The following POLG2 variants were observed in gnomAD, a reference collection of about 807,000 sequenced individuals.
POLG2 encodes the protein DNA polymerase subunit gamma-2.
POLG2 carries 50 observed loss-of-function variants against 56.5 expected under a neutral mutation model. The observed-to-expected ratio is 0.88, with a 90% CI of 0.71 to 1.12. The LOEUF (loss-of-function observed/expected upper bound fraction) is 1.12, where lower values mean the gene tolerates loss of function less well. POLG2 is among the 50% of genes most tolerant of loss of function. The probability of loss-of-function intolerance (pLI) is 0.00; values close to 1 mark genes in which losing one functional copy is unlikely to be tolerated. For missense variants in POLG2, 584 were observed against 583.3 expected (o/e 1.00, Z -0.01); for synonymous variants, 226 against 222.6 (o/e 1.02, Z -0.14).
chr17:64,482,244 C>T (rs1203339710), intron 6 of POLG2, among the ~76,000 whole-genome samples: 2 of 151,444 alleles, frequency 1.3e-5, no homozygotes, highest in Non-Finnish European at 2.9e-5. Flanking sequence ...GCTGGAATTA[C>T]AGGCACATAC....
chr17:64,485,369 T>C (rs2037932877), intron 5 of POLG2: 2 of 265,866 alleles, frequency 7.5e-6, no homozygotes, highest in South Asian at 8.2e-5. Context: ...GAGAGGTCAA[T>C]AGCACAGGTC....
At chr17:64,496,306 T>A in intron 1 of POLG2, 101 bp downstream of exon 1, 1 of 743,674 alleles carries the variant, frequency 1.3e-6, no homozygotes, top group South Asian at 1.8e-5. Context: ...CTAACTTCCT[T>A]GCATGGGAAT....
chr17:64,486,338 A>T (rs1598125723), intron 4 of POLG2, among the ~76,000 whole-genome samples: 1 of 146,542 alleles, frequency 6.8e-6, no homozygotes, highest in Non-Finnish European at 1.5e-5. Flanking sequence ...CCGAGCTCAG[A>T]GTTAGTATTC....
intron 1 of POLG2, among the ~76,000 whole-genome samples, chr17:64,493,775 C>T (rs925658404): frequency 3.9e-5 from 6 of 152,070 alleles, no homozygotes; most frequent in South Asian, 2.1e-4. Context: ...CGTGAGCCAC[C>T]GCGCCCGACA....
chr17:64,493,923 G>T (rs1158179349), intron 1 of POLG2, among the ~76,000 whole-genome samples: 1 of 151,816 alleles, frequency 6.6e-6, no homozygotes, highest in African/African-American at 2.4e-5. Context: ...AAATACTGCC[G>T]CATACATCTT....
At chr17:64,490,568 T>C in intron 4 of POLG2, 1 of 533,148 alleles carries the variant, frequency 1.9e-6, no homozygotes, top group South Asian at 2.0e-5. Flanking sequence ...ATAAATGCCA[T>C]TATTGAGATA....
intron 4 of POLG2, among the ~76,000 whole-genome samples, chr17:64,486,544 A>G (rs2037959285): frequency 1.3e-5 from 2 of 151,948 alleles, no homozygotes; most frequent in Admixed American, 6.6e-5. Flanking sequence ...TTCTATTTTT[A>G]GTAGGGACGG....
In POLG2 at chr17:64,485,652, C is replaced by G. The variant is rs138808546; in HGVS notation, c.1110+76G>C. The G allele has an allele frequency of 6.3e-3, 7,220 of 1,153,784 alleles. 41 individuals carry two copies. The highest frequency in any genetic ancestry group is 7.9e-3 in the Non-Finnish European group (6,002 of 762,250). 71.5% of individuals were successfully genotyped at this position (1,153,784 alleles called of 1,614,324 possible). A position where few individuals can be genotyped will look rare whatever the true frequency, so the allele number is the denominator to read the frequency against. On this transcript the variant is annotated intron_variant, in intron 5 of 7. Transcript: ENST00000539111. ...ATTATTTAGAGTTTATGTTAGAAAC[C>G]GAGCACACTAACATTAAGAACAAAC...
chr17:64,490,864 CTAT>C lies in POLG2; in HGVS notation c.898_900del (p.Ile300del). ...TGATCTCCTAGGTTCCACAGGGTTTCTATTAACTCCTTTCCCCAGGGAAAATTG... is the reference window on the plus strand; with the variant it reads ...TGATCTCCTAGGTTCCACAGGGTTTCTAACTCCTTTCCCCAGGGAAAATTG... On this transcript the variant is annotated inframe_deletion, in exon 4 of 8. Coordinates refer to ENST00000539111, the MANE Select transcript of POLG2 (RefSeq NM_007215.4). The C allele has an allele frequency of 1.2e-6, 2 of 1,613,714 alleles. No individual in the cohort carries two copies. Among genetic ancestry groups the C allele is most frequent in the South Asian group, 2.2e-5 (2 of 91,060 alleles).
At position 64,487,429 on chromosome 17, in the gene POLG2, C is replaced by A. The variant is rs546539346; in HGVS notation, c.970-1561G>T. On this transcript the variant is annotated intron_variant, in intron 4 of 7. Coordinates refer to ENST00000539111, the MANE Select transcript of POLG2 (RefSeq NM_007215.4). ...AGGAGTTCGAGACCAGCCTGGCCAA[C>A]ATGGTAAAACCCCACCTCTACTAAA... The A allele has an allele frequency of 9.2e-5, 14 of 152,216 alleles. No homozygotes were observed. In the East Asian group the frequency reaches 2.7e-3, roughly 29 times the overall value. 9.4% of individuals were successfully genotyped at this position (152,216 alleles called of 1,614,324 possible).
At chr17:64,487,902 T>C (rs2037986979) in intron 4 of POLG2, among the ~76,000 whole-genome samples, 1 of 152,198 alleles carries the variant, frequency 6.6e-6, no homozygotes. Flanking sequence ...TATCCAACAA[T>C]GTCAGGATAT....
intron 6 of POLG2, chr17:64,481,096 T>A (rs879993748): frequency 2.8e-5 from 5 of 175,784 alleles, no homozygotes; most frequent in Non-Finnish European, 5.6e-5. Flanking sequence ...CCAGGGTGTT[T>A]AGCAGCATTC....
rs201936720 is a variant in POLG2 at position 64,485,733 on chromosome 17, T to C, written c.1105A>G (p.Arg369Gly). The change falls in exon 5 of 8, where the codon AGA (arginine) becomes GGA (glycine). Residue 369 changes from arginine to glycine, a missense_variant. Transcript: ENST00000539111. ...NSFTRKKNLH[R>G]KVLKLHPCLA... is the part of the protein sequence containing the mutation. The stretch of plus-strand genomic sequence containing the variant: ...CTCTGAAATATCAACAGCACCTTTC[T>C]ATGAAGATTTTTCTTTCTTGTAAAG... The C allele has an allele frequency of 1.3e-3, 2,091 of 1,612,420 alleles. 30 individuals carry two copies. In the South Asian group the frequency reaches 0.021, roughly 17 times the overall value.
At chr17:64,485,963 C>T (rs571495796) in intron 4 of POLG2, 95 bp from the exon 5 acceptor site, 2 of 1,248,898 alleles carry the variant, frequency 1.6e-6, no homozygotes, top group Admixed American at 3.7e-5. Context: ...CCTGGCCAGG[C>T]TGGAGTGCAG....
At chr17:64,495,356 G>C (rs2038133445) in intron 1 of POLG2, among the ~76,000 whole-genome samples, 3 of 152,130 alleles carry the variant, frequency 2.0e-5, no homozygotes, top group African/African-American at 7.2e-5. Flanking sequence ...AAGATGGGCG[G>C]ATTGCTTAAG....
Position 64,492,413 on chromosome 17 carries a change from T to C in POLG2, c.795+254A>G, listed in dbSNP as rs769448244. ...CAAACTCTACATCAGCCAGGAATGC[T>C]AGGTGAGGGCTTTGAATTTTACCTT... On this transcript the variant is annotated intron_variant, in intron 3 of 7. Coordinates refer to ENST00000539111, the MANE Select transcript of POLG2 (RefSeq NM_007215.4). Among the ~76,000 whole-genome samples the C allele has an allele frequency of 6.6e-5, 10 of 152,354 alleles. No individual in the cohort carries two copies. In the East Asian group the frequency reaches 7.7e-4, roughly 12 times the overall value.
In POLG2 at chr17:64,478,028, G is replaced by A. The variant is rs145379774; in HGVS notation, c.1293-40C>T. On this transcript the variant is annotated intron_variant, in intron 7 of 7. Transcript: ENST00000539111. ...GTTAAACAGACACATGAGCACAAAT[G>A]TAAATAATAAATTCCTCCACGTTGC... The A allele has an allele frequency of 2.2e-4, 357 of 1,597,696 alleles. 1 individual carries two copies. The African/African-American group carries it at 4.5e-3, about 20-fold the overall frequency.
At chr17:64,479,186 T>G (rs1204553885) in intron 7 of POLG2, among the ~76,000 whole-genome samples, 3 of 150,024 alleles carry the variant, frequency 2.0e-5, no homozygotes, top group African/African-American at 7.3e-5. Flanking sequence ...GAAAGGTGTT[T>G]TTTTTTTTTT....
intron 1 of POLG2, among the ~76,000 whole-genome samples, chr17:64,494,272 GCAAAAT>G (rs1467728784): frequency 2.0e-5 from 3 of 152,226 alleles, no homozygotes; most frequent in South Asian, 2.1e-4. Flanking sequence ...ATCATTTTTA[GCAAAAT>G]ACTACATAGT....
Sources: gnomAD v4.1 joint callset for allele counts (sites outside exome capture counted in the v4.1 genomes callset) on GRCh38, gnomAD v4.1.1 for gene constraint, MANE v1.5 for transcripts, NCBI Gene and HGNC (gene_info 2026-07-23, HGNC 2026-07-21) for gene names.